Variants in RBFOX3 observed in about 807,000 individuals in gnomAD.
The protein encoded by RBFOX3 is RNA binding protein fox-1 homolog 3.
A neutral mutation model predicts 48.7 loss-of-function variants in RBFOX3; 17 were observed. The ratio of observed to expected loss-of-function variants is 0.35; its 90% CI spans 0.24 to 0.52. The LOEUF is 0.52. Among genes scored for constraint, RBFOX3 ranks in the 20% least tolerant of loss-of-function variants. The pLI, the probability that RBFOX3 is intolerant of heterozygous loss-of-function variation, is 0.94. For synonymous variants in RBFOX3, 212 were observed against 209.5 expected (o/e 1.01, Z -0.10); for missense variants, 382 against 497.5 (o/e 0.77, Z 2.21).
At chr17:79,497,656 GC>G (rs2081748242) in intron 1 of RBFOX3, among the ~76,000 whole-genome samples, 1 of 152,144 alleles carries the variant, frequency 6.6e-6, no homozygotes, top group Non-Finnish European at 1.5e-5. Context: ...CCTCTTCCCA[GC>G]CCCCCAGCTG....
rs949891372 is a variant in RBFOX3 at position 79,115,449 on chromosome 17, TC to T, written c.222+44del. The T allele has an allele frequency of 3.3e-6, 4 of 1,217,480 alleles. No homozygotes were observed. The African/African-American group carries it at 6.3e-5, about 19-fold the overall frequency. 75.4% of individuals were successfully genotyped at this position (1,217,480 alleles called of 1,614,324 possible). A position where few individuals can be genotyped will look rare whatever the true frequency, so the allele number is the denominator to read the frequency against. On this transcript the variant is annotated intron_variant, in intron 5 of 14. Coordinates refer to ENST00000693108, the MANE Select transcript of RBFOX3 (RefSeq NM_001350451.2). ...CACCCTTCTTCTGGGTGGGTGCTCC[TC>T]CCTGAAGCTCCAGGGCTGGGCCTGG... is the stretch of plus-strand genomic sequence containing the variant.
the RBFOX3 span, among the ~76,000 whole-genome samples, chr17:79,626,475 C>T: frequency 6.6e-6 from 1 of 152,216 alleles, no homozygotes; most frequent in African/African-American, 2.4e-5. Flanking sequence ...GTCTCCGGGG[C>T]TTAATACTAA....
At chr17:79,280,989 G>C (rs536532408) in intron 3 of RBFOX3, among the ~76,000 whole-genome samples, 129 of 152,300 alleles carry the variant, frequency 8.5e-4, no homozygotes, top group Middle Eastern at 3.4e-3. Context: ...GGTGAGGACA[G>C]GGGATACTGA....
At chr17:79,140,091 T>C (rs916939943) in intron 4 of RBFOX3, among the ~76,000 whole-genome samples, 3 of 152,192 alleles carry the variant, frequency 2.0e-5, no homozygotes, top group Non-Finnish European at 2.9e-5. Context: ...GGCATCTCCA[T>C]GGGTAGCTCT....
rs188724299 is a variant in RBFOX3, at chr17:79,545,528, G to C, written c.-319-62930C>G. On this transcript the variant is annotated intron_variant, in intron 1 of 14. Coordinates refer to ENST00000693108, the MANE Select transcript of RBFOX3 (RefSeq NM_001350451.2). ...CAGCCTCCAGGGGCCCAGAGGGAGCGGAGGTCTCCCAGGCCTGACTTGGTG... is the reference window on the plus strand; with the variant it reads ...CAGCCTCCAGGGGCCCAGAGGGAGCCGAGGTCTCCCAGGCCTGACTTGGTG... Among the ~76,000 whole-genome samples the C allele has an allele frequency of 2.7e-3, 407 of 152,320 alleles. 2 individuals carry two copies. Among genetic ancestry groups the C allele is most frequent in the Admixed American group, 4.2e-3 (65 of 15,302 alleles).
chr17:79,463,082 G>A (rs1299986384), intron 2 of RBFOX3, among the ~76,000 whole-genome samples: 10 of 125,978 alleles, frequency 7.9e-5, no homozygotes, highest in African/African-American at 2.1e-4. Flanking sequence ...CACCTCCACC[G>A]ACTTTGCCAC....
intron 4 of RBFOX3, among the ~76,000 whole-genome samples, chr17:79,193,120 T>C (rs1464522108): frequency 6.6e-6 from 1 of 152,198 alleles, no homozygotes; most frequent in Non-Finnish European, 1.5e-5. Context: ...GTTCACTTGC[T>C]CGGTGGGGGC....
At chr17:79,284,700 C>A (rs781167320) in intron 3 of RBFOX3, among the ~76,000 whole-genome samples, 1 of 152,062 alleles carries the variant, frequency 6.6e-6, no homozygotes, top group Non-Finnish European at 1.5e-5. Flanking sequence ...TCACCACGTC[C>A]GGGTAATTTT....
upstream of RBFOX3, among the ~76,000 whole-genome samples, chr17:79,611,143 T>TCC: frequency 3.5e-5 from 1 of 28,884 alleles, no homozygotes; most frequent in South Asian, 2.0e-3. Flanking sequence ...TCTCTCTCTC[T>TCC]CTCTCTCTCT....
rs950175926 is a variant in RBFOX3 at position 79,373,232 on chromosome 17, C to T, written c.-174-65408G>A. Among the ~76,000 whole-genome samples, 7 of 152,176 alleles carry T rather than the reference C, an allele frequency of 4.6e-5. 1 individual carries two copies. Among genetic ancestry groups the T allele is most frequent in the Non-Finnish European group, 1.0e-4 (7 of 68,022 alleles). On this transcript the variant is annotated intron_variant, in intron 2 of 14. Transcript: ENST00000693108. ...ACCCCTCCAAGTTCTTCCCTCTGTCCTCCCCACCCCTACGGCCCCCACACA... is the reference window on the plus strand; with the variant it reads ...ACCCCTCCAAGTTCTTCCCTCTGTCTTCCCCACCCCTACGGCCCCCACACA...
At chr17:79,491,603 G>C (rs930726552) in intron 1 of RBFOX3, among the ~76,000 whole-genome samples, 7 of 152,056 alleles carry the variant, frequency 4.6e-5, no homozygotes, top group Admixed American at 1.3e-4. Flanking sequence ...CCCGGGTTTC[G>C]GGTTTGTCCA....
chr17:79,399,543 C>T (rs897587), intron 2 of RBFOX3, among the ~76,000 whole-genome samples: 39,610 of 151,900 alleles, frequency 0.26, 5,420 homozygotes, highest in African/African-American at 0.36. Flanking sequence ...CAGGGGTCAT[C>T]AAATTTAGCA....
intron 2 of RBFOX3, among the ~76,000 whole-genome samples, chr17:79,463,621 C>T (rs1408842942): frequency 1.3e-5 from 2 of 148,572 alleles, no homozygotes; most frequent in African/African-American, 2.5e-5. Context: ...CCACCGCCAT[C>T]GCCACCGCCA....
chr17:79,383,031 AACACACACACACACAC>A (rs60851419), intron 2 of RBFOX3, among the ~76,000 whole-genome samples: 58 of 141,320 alleles, frequency 4.1e-4, no homozygotes, highest in Admixed American at 7.6e-4. Flanking sequence ...CTGCCTCTCA[AACACACACACACACAC>A]ACACACACAC....
At chr17:79,472,181 G>A (rs978372308) in intron 2 of RBFOX3, among the ~76,000 whole-genome samples, 13 of 152,228 alleles carry the variant, frequency 8.5e-5, no homozygotes, top group Non-Finnish European at 1.6e-4. Context: ...CCCAAACCTG[G>A]AATGATGAGT....
At chr17:79,638,023 T>C in the RBFOX3 span, among the ~76,000 whole-genome samples, 1 of 130,174 alleles carries the variant, frequency 7.7e-6, no homozygotes, top group East Asian at 2.2e-4. Context: ...CAAAAGGGAA[T>C]TTTAAAAATA....
rs2056081073 is a variant in RBFOX3, at chr17:79,198,252, C to T, written c.-34+37514G>A. 6.6e-6 allele frequency among the ~76,000 whole-genome samples: 1 copy of T among 152,188 alleles called. No individual in the cohort carries two copies. The highest frequency in any genetic ancestry group is 2.4e-5 in the African/African-American group (1 of 41,454). ...ATCATGGGTGACAACCGCCTCTGGC[C>T]AGCCCTCTGCCCTCGCCCCTGCCCT... On this transcript the variant is annotated intron_variant, in intron 4 of 14. Coordinates refer to ENST00000693108, the MANE Select transcript of RBFOX3 (RefSeq NM_001350451.2). The surrounding 1 kb of genome is among the most constrained non-coding windows in gnomAD (Gnocchi z 8.2).
the RBFOX3 span, among the ~76,000 whole-genome samples, chr17:79,636,311 C>T: frequency 6.6e-6 from 1 of 151,702 alleles, no homozygotes; most frequent in Non-Finnish European, 1.5e-5. Flanking sequence ...CTGAATATAC[C>T]TATATATATA....
intron 4 of RBFOX3, among the ~76,000 whole-genome samples, chr17:79,138,479 C>T (rs2040802797): frequency 6.6e-6 from 1 of 152,112 alleles, no homozygotes; most frequent in South Asian, 2.1e-4. Context: ...CACCATGTCA[C>T]AGTCATGTCC....
Sources: gnomAD v4.1 joint callset for allele counts (sites outside exome capture counted in the v4.1 genomes callset) on GRCh38, gnomAD v4.1.1 for gene constraint, Gnocchi (gnomAD v3.1) non-coding constraint, MANE v1.5 for transcripts, NCBI Gene and HGNC (gene_info 2026-07-23, HGNC 2026-07-21) for gene names.